Variants in VPS13B observed in about 807,000 individuals in gnomAD.
The protein encoded by VPS13B is intermembrane lipid transfer protein VPS13B.
VPS13B carries 285 observed loss-of-function variants against 426.4 expected under a neutral mutation model. The ratio of observed to expected loss-of-function variants is 0.67; its 90% CI spans 0.61 to 0.74. The LOEUF (loss-of-function observed/expected upper bound fraction) is 0.74. Among genes scored for constraint, VPS13B ranks in the 30% least tolerant of loss-of-function variants. The pLI, the probability that VPS13B is intolerant of heterozygous loss-of-function variation, is 0.00. For missense variants in VPS13B, 4,537 were observed against 4,782.6 expected, an observed-to-expected ratio of 0.95 and a Z score of 1.51; for synonymous variants, 1,676 against 1,676.4, an observed-to-expected ratio of 1.00 and a Z score of 0.01.
intron 15 of VPS13B, among the ~76,000 whole-genome samples, chr8:99,166,712 C>T (rs1812027303): frequency 6.6e-6 from 1 of 152,100 alleles, no homozygotes; most frequent in Non-Finnish European, 1.5e-5. Flanking sequence ...TAGAAAAACT[C>T]ATCCTAAAAT....
chr8:99,741,617 A>G (rs1415392810), intron 39 of VPS13B, among the ~76,000 whole-genome samples: 2 of 152,246 alleles, frequency 1.3e-5, no homozygotes, highest in Admixed American at 1.3e-4. Flanking sequence ...AAATTATAAC[A>G]AACTGTCTCT....
At chr8:99,177,930 A>G (rs1051537592) in intron 16 of VPS13B, among the ~76,000 whole-genome samples, 1 of 152,202 alleles carries the variant, frequency 6.6e-6, no homozygotes, top group Non-Finnish European at 1.5e-5. Flanking sequence ...TTCTAGTGAC[A>G]GCATTTTAAA....
chr8:99,568,296 A>T (rs78987283), intron 31 of VPS13B, among the ~76,000 whole-genome samples: 10,330 of 107,596 alleles, frequency 0.096, 441 homozygotes, highest in Admixed American at 0.12. Context: ...TATTATTATT[A>T]TTATTTTTTT....
chr8:99,058,290 C>T (rs1468808520), intron 3 of VPS13B, among the ~76,000 whole-genome samples: 1 of 151,204 alleles, frequency 6.6e-6, no homozygotes, highest in African/African-American at 2.4e-5. Flanking sequence ...AATATAATGC[C>T]CCCTTTTTTT....
At chr8:99,134,137 A>G (rs1383651033) in intron 8 of VPS13B, among the ~76,000 whole-genome samples, 1 of 152,230 alleles carries the variant, frequency 6.6e-6, no homozygotes, top group Admixed American at 6.5e-5. Context: ...CATCTTTTGA[A>G]AAGAAATATG....
chr8:99,604,883 A>T (rs926388962), intron 33 of VPS13B, among the ~76,000 whole-genome samples: 2 of 152,184 alleles, frequency 1.3e-5, no homozygotes, highest in Admixed American at 6.5e-5. Context: ...CATAAATCAC[A>T]TGGAATTCTT....
chr8:99,028,742 G>C (rs1293403794), intron 2 of VPS13B, among the ~76,000 whole-genome samples: 1 of 144,896 alleles, frequency 6.9e-6, no homozygotes, highest in Admixed American at 6.8e-5. Flanking sequence ...CTCCCTCCTG[G>C]ACGGGGCAAC....
At chr8:99,561,943 A>G (rs1391046848) in intron 31 of VPS13B, among the ~76,000 whole-genome samples, 3 of 152,206 alleles carry the variant, frequency 2.0e-5, no homozygotes, top group Non-Finnish European at 2.9e-5. Flanking sequence ...GTAGAATTAC[A>G]GGGTCATATG....
At chr8:99,016,951 T>G (rs1841655088) in intron 2 of VPS13B, among the ~76,000 whole-genome samples, 1 of 152,176 alleles carries the variant, frequency 6.6e-6, no homozygotes, top group African/African-American at 2.4e-5. Context: ...CAGTATTTAC[T>G]CTCAGTTTGT....
At chr8:99,014,339 A>G (rs1287277226) in intron 2 of VPS13B, among the ~76,000 whole-genome samples, 1 of 151,588 alleles carries the variant, frequency 6.6e-6, no homozygotes, top group African/African-American at 2.4e-5. Flanking sequence ...GCTGGTCTCG[A>G]ACTCCTGAGC....
intron 3 of VPS13B, among the ~76,000 whole-genome samples, chr8:99,083,109 C>G (rs1279302509): frequency 5.3e-5 from 8 of 152,150 alleles, no homozygotes; most frequent in Non-Finnish European, 1.2e-4. Flanking sequence ...GAATGTTCTT[C>G]CATTTGTTTG....
chr8:99,273,126 C>T (rs111798258), intron 17 of VPS13B, among the ~76,000 whole-genome samples: 1 of 150,614 alleles, frequency 6.6e-6, no homozygotes, highest in African/African-American at 2.4e-5. Flanking sequence ...TTCACCTGAC[C>T]AAAATATTTC....
chr8:99,864,117 C>T (rs551949284), intron 58 of VPS13B, among the ~76,000 whole-genome samples: 28 of 152,278 alleles, frequency 1.8e-4, no homozygotes, highest in African/African-American at 6.5e-4. Flanking sequence ...GAACAAAGAG[C>T]GGAGTACAGC....
chr8:99,711,285 A>G (rs1007896949), intron 36 of VPS13B, among the ~76,000 whole-genome samples: 1 of 152,184 alleles, frequency 6.6e-6, no homozygotes, highest in African/African-American at 2.4e-5. Context: ...AAATTGAACC[A>G]CACTGAATTT....
chr8:99,868,500 A>G (rs761977902), intron 59 of VPS13B, 35 bp downstream of exon 59: 3 of 1,580,158 alleles, frequency 1.9e-6, no homozygotes, highest in South Asian at 1.1e-5. Flanking sequence ...GCCAACCCAG[A>G]CGTTACTGAT....
At chr8:99,272,185 A>G (rs1216672642) in intron 17 of VPS13B, among the ~76,000 whole-genome samples, 2 of 152,208 alleles carry the variant, frequency 1.3e-5, no homozygotes, top group Admixed American at 1.3e-4. Flanking sequence ...AGAAGCTTCA[A>G]AAATAAAGGA....
At chr8:99,314,678 T>C (rs1168611019) in intron 19 of VPS13B, among the ~76,000 whole-genome samples, 6 of 151,870 alleles carry the variant, frequency 4.0e-5, no homozygotes, top group Admixed American at 3.3e-4. Flanking sequence ...GTGAAACTCC[T>C]GGCCTCATGC....
chr8:99,162,951 G>A (rs1345526444), intron 15 of VPS13B, among the ~76,000 whole-genome samples: 1 of 152,150 alleles, frequency 6.6e-6, no homozygotes, highest in Non-Finnish European at 1.5e-5. Context: ...CAATCCCTGA[G>A]CTAGATACAA....
intron 58 of VPS13B, among the ~76,000 whole-genome samples, chr8:99,864,976 GCTTC>G (rs1215793625): frequency 6.6e-6 from 1 of 152,158 alleles, no homozygotes; most frequent in African/African-American, 2.4e-5. Flanking sequence ...TCTTGACTCT[GCTTC>G]ACCCTCATGG....
Sources: allele counts gnomAD v4.1 joint callset (sites outside exome capture counted in the v4.1 genomes callset), GRCh38; gene constraint gnomAD v4.1.1; transcripts MANE v1.5; gene names NCBI Gene and HGNC (gene_info 2026-07-23, HGNC 2026-07-21).